Variants in GRIK5 observed in about 807,000 individuals in gnomAD.
GRIK5 encodes the protein glutamate ionotropic receptor kainate type subunit 5, also known as glutamate receptor ionotropic, kainate 5.
A neutral mutation model predicts 97.4 loss-of-function variants in GRIK5; 43 were observed. The observed-to-expected ratio is 0.44, with a 90% CI of 0.35 to 0.57. GRIK5 has a LOEUF of 0.57. Among genes scored for constraint, GRIK5 ranks in the 20% least tolerant of loss-of-function variants. The pLI, the probability that GRIK5 is intolerant of heterozygous loss-of-function variation, is 0.01. For synonymous variants in GRIK5, 580 were observed against 583.5 expected, an observed-to-expected ratio of 0.99 and a Z score of 0.09; for missense variants, 1,015 against 1,382.0, an observed-to-expected ratio of 0.73 and a Z score of 4.21.
chr19:42,047,761 G>C lies in GRIK5; in HGVS notation c.1270-5006C>G, dbSNP rs1457519965. Among the ~76,000 whole-genome samples, 4 of 152,000 alleles carry C rather than the reference G, an allele frequency of 2.6e-5. No individual in the cohort carries two copies. The East Asian group carries it at 7.7e-4, about 29-fold the overall frequency. ...GAGGCAGGTGGATTACTTGAGGTCA[G>C]GAGTTCAAGACCAGCCTGGCCAATA... On this transcript the variant is annotated intron_variant, in intron 11 of 19. Coordinates refer to ENST00000593562, the MANE Select transcript of GRIK5 (RefSeq NM_002088.5).
intron 1 of GRIK5, chr19:42,068,327 G>A (rs2076369505): frequency 6.3e-6 from 1 of 159,940 alleles, no homozygotes; most frequent in Non-Finnish European, 1.4e-5. Flanking sequence ...GGGAGCAGGA[G>A]ATCCTGGGGC....
At position 42,054,491 on chromosome 19, in the gene GRIK5, G is replaced by A. The variant is rs539086355; in HGVS notation, c.904-19C>T. 23 of 1,608,274 alleles carry A rather than the reference G, an allele frequency of 1.4e-5. No individual in the cohort carries two copies. The highest frequency in any genetic ancestry group is 8.9e-5 in the East Asian group (4 of 44,810). On this transcript the variant is annotated intron_variant, in intron 8 of 19. Coordinates refer to ENST00000593562, the MANE Select transcript of GRIK5 (RefSeq NM_002088.5). ...CTGACAGCTGCGGTGGGACAGAGGC[G>A]GGGGTGGGATGGATAAGAGGCTGCC...
At chr19:42,005,990 C>A in intron 16 of GRIK5, 42 bp from the exon 17 acceptor site, 1 of 996,200 alleles carries the variant, frequency 1.0e-6, no homozygotes, top group South Asian at 1.4e-5. Context: ...AGGGTCTTTC[C>A]AGCCGCTTCC....
chr19:42,055,353 T>C (rs1367101991), intron 8 of GRIK5, among the ~76,000 whole-genome samples: 2 of 152,222 alleles, frequency 1.3e-5, no homozygotes, highest in Non-Finnish European at 1.5e-5. Flanking sequence ...TTGGTGTCCA[T>C]GTGTGCTCTG....
At chr19:42,052,633 T>C (rs1457894994) in intron 11 of GRIK5, among the ~76,000 whole-genome samples, 1 of 152,252 alleles carries the variant, frequency 6.6e-6, no homozygotes, top group East Asian at 1.9e-4. Flanking sequence ...AGCTCAGAGT[T>C]ACTGAGCGGC....
intron 6 of GRIK5, among the ~76,000 whole-genome samples, chr19:42,059,018 T>C (rs2076224261): frequency 6.6e-6 from 1 of 152,056 alleles, no homozygotes; most frequent in Admixed American, 6.5e-5. Context: ...TCTCTGGGCT[T>C]GAGCCACACT....
chr19:42,065,526 G>T lies in GRIK5; in HGVS notation c.80-139C>A. The T allele has an allele frequency of 9.9e-7, 1 of 1,013,418 alleles. No homozygotes were observed. The highest frequency in any genetic ancestry group is 1.4e-6 in the Non-Finnish European group (1 of 701,918). 62.8% of individuals were successfully genotyped at this position (1,013,418 alleles called of 1,614,324 possible). On this transcript the variant is annotated intron_variant, in intron 2 of 19. Transcript: ENST00000593562. The surrounding 1 kb of genome is among the most constrained non-coding windows in gnomAD (Gnocchi z 5.8). ...ACACCTGGATCTGAGGTTGGTGGGA[G>T]CTAGGGGTCTGGACTCCTGGGTCCT...
At chr19:42,053,993 C>G in intron 9 of GRIK5, 64 bp from the exon 10 acceptor site, 1 of 1,107,098 alleles carries the variant, frequency 9.0e-7, no homozygotes, top group Non-Finnish European at 1.4e-6. Context: ...CAGGGAAGGC[C>G]CAACGTGGTG....
intron 12 of GRIK5, among the ~76,000 whole-genome samples, chr19:42,028,375 T>C (rs1021020450): frequency 2.0e-5 from 3 of 152,198 alleles, no homozygotes; most frequent in African/African-American, 7.2e-5. Flanking sequence ...ACCATATTCC[T>C]GCTTTGCCTG....
At chr19:42,058,781 G>A (rs1389013507) in intron 6 of GRIK5, among the ~76,000 whole-genome samples, 1 of 145,446 alleles carries the variant, frequency 6.9e-6, no homozygotes, top group Non-Finnish European at 1.5e-5. Context: ...AGCTGAGATT[G>A]TACCACTGCT....
chr19:42,040,109 C>T (rs1215918242), intron 12 of GRIK5, among the ~76,000 whole-genome samples: 1 of 152,208 alleles, frequency 6.6e-6, no homozygotes, highest in African/African-American at 2.4e-5. Flanking sequence ...CCCAATTTTA[C>T]AGTTGAACAA....
chr19:42,064,177 C>A (rs936450858), intron 3 of GRIK5, among the ~76,000 whole-genome samples: 4 of 152,188 alleles, frequency 2.6e-5, no homozygotes, highest in Non-Finnish European at 5.9e-5. Context: ...ACTCATCACC[C>A]AAATCCAGTC....
chr19:42,001,411 TAG>T (rs1169950708), intron 19 of GRIK5, among the ~76,000 whole-genome samples: 1 of 152,142 alleles, frequency 6.6e-6, no homozygotes, highest in African/African-American at 2.4e-5. Flanking sequence ...GTGTTTTCAG[TAG>T]AGACAGGGTT....
intron 15 of GRIK5, among the ~76,000 whole-genome samples, chr19:42,011,172 T>G (rs559812914): frequency 1.3e-5 from 2 of 152,016 alleles, no homozygotes; most frequent in South Asian, 4.2e-4. Flanking sequence ...TCATAAGATA[T>G]GCAGAGCTCA....
At chr19:42,067,921 C>G (rs182006673) in intron 1 of GRIK5, among the ~76,000 whole-genome samples, 2 of 152,230 alleles carry the variant, frequency 1.3e-5, no homozygotes, top group African/African-American at 4.8e-5. Flanking sequence ...GAGAGCTGAG[C>G]AACAGTGGGC....
chr19:42,036,300 G>T (rs1004579888), intron 12 of GRIK5, among the ~76,000 whole-genome samples: 21 of 151,958 alleles, frequency 1.4e-4, no homozygotes, highest in African/African-American at 5.1e-4. Context: ...GACCTCAGGT[G>T]ATCTGCTCGC....
intron 5 of GRIK5, among the ~76,000 whole-genome samples, chr19:42,061,618 G>A (rs531897754): frequency 4.6e-5 from 7 of 152,312 alleles, no homozygotes; most frequent in African/African-American, 1.2e-4. Flanking sequence ...CATGCCCGAC[G>A]TGTGCCCCGA....
chr19:42,004,727 T>C (rs192891685), intron 17 of GRIK5, among the ~76,000 whole-genome samples: 1 of 152,304 alleles, frequency 6.6e-6, no homozygotes, highest in Non-Finnish European at 1.5e-5. Context: ...GCTCAAGCGA[T>C]CCTCCTACTT....
chr19:42,046,661 A>G (rs956889751), intron 11 of GRIK5, among the ~76,000 whole-genome samples: 4 of 152,172 alleles, frequency 2.6e-5, no homozygotes, highest in African/African-American at 9.7e-5. Context: ...TATTAGGAGG[A>G]AAAAAACAAG....
Sources: allele counts gnomAD v4.1 joint callset (sites outside exome capture counted in the v4.1 genomes callset), GRCh38; gene constraint gnomAD v4.1.1; non-coding constraint Gnocchi (gnomAD v3.1); transcripts MANE v1.5; gene names NCBI Gene and HGNC (gene_info 2026-07-23, HGNC 2026-07-21).